JMJD1C: variants seen among roughly 807,000 people sequenced by gnomAD.
JMJD1C encodes jumonji domain containing 1C, also known as jumonji domain-containing protein 1C.
In JMJD1C, 31 loss-of-function variants were observed where a neutral mutation model predicts 245.3. The ratio of observed to expected loss-of-function variants is 0.13; its 90% CI spans 0.09 to 0.17. The LOEUF (loss-of-function observed/expected upper bound fraction) is 0.17. Among genes scored for constraint, JMJD1C ranks in the 10% least tolerant of loss-of-function variants. The pLI is 1.00. For synonymous variants in JMJD1C, 1,057 were observed against 1,017.4 expected, an observed-to-expected ratio of 1.04 and a Z score of -0.74; for missense variants, 2,691 against 3,000.2, an observed-to-expected ratio of 0.90 and a Z score of 2.41.
chr10:63,367,718 G>C (rs1393515963), intron 2 of JMJD1C, among the ~76,000 whole-genome samples: 2 of 152,334 alleles, frequency 1.3e-5, no homozygotes, highest in South Asian at 4.1e-4. Flanking sequence ...GGATAAAATA[G>C]TTAAGCATAG....
chr10:63,374,749 T>G (rs967465456), intron 2 of JMJD1C, among the ~76,000 whole-genome samples: 1 of 152,190 alleles, frequency 6.6e-6, no homozygotes. Context: ...CCATTAAAAA[T>G]GATCCTAAAT....
Position 63,200,516 on chromosome 10 carries a change from C to G in JMJD1C, c.5236G>C (p.Ala1746Pro). The G allele has an allele frequency of 6.2e-7, 1 of 1,613,880 alleles. No individual in the cohort carries two copies. The highest frequency in any genetic ancestry group is 1.3e-5 in the African/African-American group (1 of 75,002). The stretch of plus-strand genomic sequence containing the variant: ...AATCTACAAAATACTGGTGAGTGAG[C>G]TGGTTCTTCTCCTTTTTTACTGCGA... ...LIRSKKGEEP[A>P]HSPVFCRFYY... Residue 1746 changes from alanine (A) to proline (P), a missense_variant, in exon 11 of 26, where the codon GCT (alanine) becomes CCT (proline). Ala to Pro is a conservative substitution (Grantham distance 27). Coordinates refer to ENST00000399262, the MANE Select transcript of JMJD1C (RefSeq NM_032776.3).
At position 63,400,357 on chromosome 10, in the gene JMJD1C, TGTGA is replaced by T. The variant is rs796629958; in HGVS notation, c.169-19879_169-19876del. ...CCACTCTGCATTCCAATAAACAACA[TGTGA>T]GTGTGTCCATTCCTCTCCTCTAGAG... On this transcript the variant is annotated intron_variant, in intron 1 of 25. Transcript: ENST00000399262. Among the ~76,000 whole-genome samples the T allele has an allele frequency of 1.2e-4, 18 of 152,268 alleles. 1 individual carries two copies. Among genetic ancestry groups the T allele is most frequent in the African/African-American group, 4.3e-4 (18 of 41,542 alleles).
intron 2 of JMJD1C, among the ~76,000 whole-genome samples, chr10:63,310,877 A>G (rs1158775342): frequency 6.6e-6 from 1 of 152,228 alleles, no homozygotes; most frequent in Non-Finnish European, 1.5e-5. Flanking sequence ...ATTGGTCATC[A>G]AAGAAGGACA....
chr10:63,282,186 AC>A (rs1371318698), intron 2 of JMJD1C, among the ~76,000 whole-genome samples: 2 of 152,008 alleles, frequency 1.3e-5, no homozygotes, highest in African/African-American at 4.8e-5. Flanking sequence ...TTTCCCCATT[AC>A]CTCCTTGTTT....
chr10:63,271,697 A>G (rs1856322595), intron 2 of JMJD1C, among the ~76,000 whole-genome samples: 1 of 152,126 alleles, frequency 6.6e-6, no homozygotes, highest in Admixed American at 6.6e-5. Context: ...GATTACATGC[A>G]TGCACCACAA....
intron 2 of JMJD1C, among the ~76,000 whole-genome samples, chr10:63,354,841 C>T (rs1806822155): frequency 1.4e-5 from 2 of 146,864 alleles, no homozygotes; most frequent in Admixed American, 6.9e-5. Flanking sequence ...ATGGTGAGAT[C>T]CCATATCTAC....
At position 63,335,668 on chromosome 10, in the gene JMJD1C, C is replaced by T. The variant is rs200767000; in HGVS notation, c.333+44650G>A. 3.2e-4 allele frequency among the ~76,000 whole-genome samples: 48 copies of T among 152,248 alleles called. No individual in the cohort carries two copies. The East Asian group carries it at 8.8e-3, about 28-fold the overall frequency. ...CTAGGATTACAGGCACCTGCCACTG[C>T]AACAGCTAATTTCTGTATTTTTAGT... On this transcript the variant is annotated intron_variant, in intron 2 of 25. Transcript: ENST00000399262.
chr10:63,429,652 A>G (rs920371648), intron 1 of JMJD1C, among the ~76,000 whole-genome samples: 2 of 152,320 alleles, frequency 1.3e-5, no homozygotes, highest in African/African-American at 2.4e-5. Flanking sequence ...ATTCTAAAAC[A>G]TTTGCCAGTT....
intron 8 of JMJD1C, among the ~76,000 whole-genome samples, chr10:63,212,825 T>C (rs1017823455): frequency 6.6e-6 from 1 of 151,182 alleles, no homozygotes; most frequent in African/African-American, 2.4e-5. Context: ...TAATTATGTA[T>C]AATTTGTATT....
At chr10:63,427,365 G>C in intron 1 of JMJD1C, 1 of 1,033,954 alleles carries the variant, frequency 9.7e-7, no homozygotes, top group Non-Finnish European at 1.4e-6. Context: ...CCGCCTTCTG[G>C]CATCAGTACC....
intron 1 of JMJD1C, 64 bp downstream of exon 1, chr10:63,465,431 A>AG (rs1953157200): frequency 2.1e-6 from 3 of 1,461,612 alleles, no homozygotes; most frequent in Non-Finnish European, 2.8e-6. Flanking sequence ...GAAGCCTGCA[A>AG]GGTACGTCTG....
At chr10:63,443,847 C>T (rs568554392) in intron 1 of JMJD1C, among the ~76,000 whole-genome samples, 23 of 152,328 alleles carry the variant, frequency 1.5e-4, no homozygotes, top group South Asian at 8.3e-4. Flanking sequence ...AGAAATGACA[C>T]TTCTATCACC....
At chr10:63,418,963 G>A (rs1480318437) in intron 1 of JMJD1C, among the ~76,000 whole-genome samples, 1 of 151,572 alleles carries the variant, frequency 6.6e-6, no homozygotes, top group East Asian at 1.9e-4. Flanking sequence ...TGTAGCCCCA[G>A]CTACTCAGAA....
intron 2 of JMJD1C, among the ~76,000 whole-genome samples, chr10:63,301,087 C>T (rs1463679994): frequency 2.0e-5 from 3 of 152,202 alleles, no homozygotes; most frequent in African/African-American, 7.2e-5. Context: ...ATGACCTTGG[C>T]TCACTGAAAC....
At chr10:63,215,231 T>C (rs1329932883) in intron 7 of JMJD1C, 32 bp downstream of exon 7, 15 of 1,571,378 alleles carry the variant, frequency 9.5e-6, no homozygotes, top group Non-Finnish European at 1.3e-5. Flanking sequence ...TTTATTTGTT[T>C]TCATTCCCTT....
chr10:63,298,961 C>T (rs565559149), intron 2 of JMJD1C, among the ~76,000 whole-genome samples: 22 of 152,194 alleles, frequency 1.4e-4, no homozygotes, highest in Non-Finnish European at 2.5e-4. Context: ...GAACTTCTGA[C>T]CTCAGGTGAT....
chr10:63,427,042 T>G (rs1325687854), intron 1 of JMJD1C, among the ~76,000 whole-genome samples: 1 of 152,214 alleles, frequency 6.6e-6, no homozygotes, highest in Non-Finnish European at 1.5e-5. Context: ...GTATCATGGT[T>G]TATAATGTGG....
chr10:63,250,283 G>A (rs1852880593), intron 3 of JMJD1C, among the ~76,000 whole-genome samples: 1 of 152,048 alleles, frequency 6.6e-6, no homozygotes, highest in Admixed American at 6.6e-5. Flanking sequence ...TCTTAAAGTG[G>A]TAGGATTATA....
Sources: gnomAD v4.1 joint callset for allele counts (sites outside exome capture counted in the v4.1 genomes callset) on GRCh38, gnomAD v4.1.1 for gene constraint, MANE v1.5 for transcripts, NCBI Gene and HGNC (gene_info 2026-07-23, HGNC 2026-07-21) for gene names.